NEDD4L: variants seen among roughly 807,000 people sequenced by gnomAD.
The protein encoded by NEDD4L is E3 ubiquitin-protein ligase NEDD4-like.
Under a neutral mutation model 148.9 loss-of-function variants are expected in NEDD4L, and 54 were observed. The ratio of observed to expected loss-of-function variants is 0.36; its 90% CI spans 0.29 to 0.45. The LOEUF is 0.45. Ranked by LOEUF, NEDD4L falls within the 20% of genes least tolerant of loss-of-function variation. The pLI, the probability that NEDD4L is intolerant of heterozygous loss-of-function variation, is 1.00. For synonymous variants in NEDD4L, 433 were observed against 440.7 expected (o/e 0.98, Z 0.22); for missense variants, 856 against 1,233.8 (o/e 0.69, Z 4.59).
intron 1 of NEDD4L, among the ~76,000 whole-genome samples, chr18:58,084,299 C>G (rs1239194332): frequency 6.6e-6 from 1 of 151,928 alleles, no homozygotes; most frequent in African/African-American, 2.4e-5. Flanking sequence ...GATTTTTTTT[C>G]CTCAAGTGAT....
intron 2 of NEDD4L, among the ~76,000 whole-genome samples, chr18:58,167,910 A>G (rs2037071242): frequency 6.6e-6 from 1 of 151,774 alleles, no homozygotes; most frequent in African/African-American, 2.4e-5. Context: ...GTTTTATCCA[A>G]ACCCTCCCAT....
At chr18:58,051,672 G>T (rs2081877754) in intron 1 of NEDD4L, among the ~76,000 whole-genome samples, 1 of 152,312 alleles carries the variant, frequency 6.6e-6, no homozygotes, top group South Asian at 2.1e-4. Flanking sequence ...GTGAAAAAAA[G>T]AGATCCTAAC....
At chr18:58,198,973 G>T (rs1397644033) in intron 2 of NEDD4L, among the ~76,000 whole-genome samples, 3 of 152,132 alleles carry the variant, frequency 2.0e-5, no homozygotes, top group Non-Finnish European at 4.4e-5. Flanking sequence ...TGTATTTTTA[G>T]TAGAGACGGG....
At chr18:58,244,912 T>G (rs1020893431) in intron 2 of NEDD4L, among the ~76,000 whole-genome samples, 2 of 152,122 alleles carry the variant, frequency 1.3e-5, no homozygotes, top group Non-Finnish European at 2.9e-5. Flanking sequence ...GCCAGGCTGG[T>G]CTTGAACTCC....
At chr18:58,069,966 A>G (rs2082782785) in intron 1 of NEDD4L, among the ~76,000 whole-genome samples, 1 of 152,208 alleles carries the variant, frequency 6.6e-6, no homozygotes, top group Non-Finnish European at 1.5e-5. Flanking sequence ...GGCAGCTGTG[A>G]AACTCAGAAG....
At chr18:58,047,031 A>G (rs975778235) in intron 1 of NEDD4L, 4 of 154,334 alleles carry the variant, frequency 2.6e-5, no homozygotes, top group African/African-American at 7.2e-5. Flanking sequence ...ATTAACGACA[A>G]ATTGTTGAAT....
At chr18:58,198,865 C>T (rs893861251) in intron 2 of NEDD4L, among the ~76,000 whole-genome samples, 19 of 152,118 alleles carry the variant, frequency 1.2e-4, no homozygotes, top group African/African-American at 3.9e-4. Context: ...AGTGCAGTGG[C>T]GCAATCTCCG....
At chr18:58,242,921 T>C (rs1273084226) in intron 2 of NEDD4L, among the ~76,000 whole-genome samples, 1 of 152,220 alleles carries the variant, frequency 6.6e-6, no homozygotes, top group Non-Finnish European at 1.5e-5. Flanking sequence ...CGATCTTCCA[T>C]AGAGTTGATC....
chr18:58,229,632 GT>G (rs1238571479), intron 2 of NEDD4L, among the ~76,000 whole-genome samples: 3 of 152,178 alleles, frequency 2.0e-5, no homozygotes, highest in African/African-American at 7.2e-5. Context: ...ATTGAGAGCT[GT>G]TTAATAGTTT....
chr18:58,052,197 A>G (rs191415839), intron 1 of NEDD4L, among the ~76,000 whole-genome samples: 32 of 152,366 alleles, frequency 2.1e-4, no homozygotes, highest in Non-Finnish European at 4.1e-4. Context: ...GATAATTATC[A>G]CAACTACTGG....
intron 1 of NEDD4L, among the ~76,000 whole-genome samples, chr18:58,160,073 A>G (rs2036007294): frequency 1.3e-5 from 2 of 152,258 alleles, no homozygotes; most frequent in East Asian, 1.9e-4. Context: ...AGACAAAGTC[A>G]TAGGAGAAAT....
At chr18:58,100,533 C>T (rs566032) in intron 1 of NEDD4L, among the ~76,000 whole-genome samples, 47,287 of 152,026 alleles carry the variant, frequency 0.31, 10,700 homozygotes, top group African/African-American at 0.64. Context: ...ATTAAAATAC[C>T]CTTTGGGGAC....
intron 5 of NEDD4L, among the ~76,000 whole-genome samples, chr18:58,266,438 A>G (rs1405869548): frequency 6.6e-6 from 1 of 152,152 alleles, no homozygotes; most frequent in East Asian, 1.9e-4. Context: ...GATTCATGTA[A>G]GTTCTCATAT....
At chr18:58,243,569 T>C (rs1284795277) in intron 2 of NEDD4L, among the ~76,000 whole-genome samples, 1 of 152,132 alleles carries the variant, frequency 6.6e-6, no homozygotes, top group Non-Finnish European at 1.5e-5. Flanking sequence ...CTCCCCCAGG[T>C]GAATCTGATA....
At chr18:58,046,005 T>C (rs1435908371) in intron 1 of NEDD4L, 3 of 152,200 alleles carry the variant, frequency 2.0e-5, no homozygotes, top group African/African-American at 4.8e-5. Context: ...TGTGTGTGTG[T>C]GCCTGTGTGC....
At chr18:58,259,115 A>G (rs1445135462) in intron 5 of NEDD4L, among the ~76,000 whole-genome samples, 2 of 152,238 alleles carry the variant, frequency 1.3e-5, no homozygotes, top group East Asian at 3.8e-4. Context: ...TTCATAAGCT[A>G]TACTTTAGAC....
intron 2 of NEDD4L, among the ~76,000 whole-genome samples, chr18:58,179,790 T>C (rs911929294): frequency 3.3e-5 from 5 of 152,048 alleles, no homozygotes; most frequent in Admixed American, 1.3e-4. Flanking sequence ...TCGGGGCTCC[T>C]ACTGATTCTA....
intron 27 of NEDD4L, 26 bp downstream of exon 27, chr18:58,387,524 GT>G: frequency 6.7e-7 from 1 of 1,501,782 alleles, no homozygotes; most frequent in South Asian, 1.3e-5. Flanking sequence ...ATTATTTTAT[GT>G]AAAGTGGATT....
At chr18:58,373,459 C>G (rs1601830783) in intron 24 of NEDD4L, among the ~76,000 whole-genome samples, 190 bp downstream of exon 24, 1 of 152,220 alleles carries the variant, frequency 6.6e-6, no homozygotes, top group Non-Finnish European at 1.5e-5. Context: ...AACCATTTCT[C>G]TCTTCCAGCA....
Sources: allele counts gnomAD v4.1 joint callset (sites outside exome capture counted in the v4.1 genomes callset), GRCh38; gene constraint gnomAD v4.1.1; transcripts MANE v1.5; gene names NCBI Gene and HGNC (gene_info 2026-07-23, HGNC 2026-07-21).